FLI1: variants seen among roughly 807,000 people sequenced by gnomAD.
FLI1 encodes the protein Friend leukemia integration 1 transcription factor.
Under a neutral mutation model 53.1 loss-of-function variants are expected in FLI1, and 13 were observed. That is an observed-to-expected ratio of 0.24 (90% CI 0.16 to 0.39). The LOEUF is 0.39. Among genes scored for constraint, FLI1 ranks in the 10% least tolerant of loss-of-function variants. The pLI is 1.00. For missense variants in FLI1, 424 were observed against 600.5 expected, an observed-to-expected ratio of 0.71 and a Z score of 3.07; for synonymous variants, 244 against 236.7, an observed-to-expected ratio of 1.03 and a Z score of -0.28.
intron 1 of FLI1, among the ~76,000 whole-genome samples, chr11:128,697,006 C>T (rs989233302): frequency 3.3e-5 from 5 of 152,138 alleles, no homozygotes; most frequent in African/African-American, 7.2e-5. Flanking sequence ...TTTCCAAGAA[C>T]GGCTCCTGGA....
intron 3 of FLI1, among the ~76,000 whole-genome samples, chr11:128,769,161 C>T (rs1463407535): frequency 2.0e-5 from 3 of 152,160 alleles, no homozygotes; most frequent in African/African-American, 7.2e-5. Flanking sequence ...ATAAAATCAT[C>T]GTTCAGTCCT....
At chr11:128,730,997 ACAAGTG>A (rs1411774626) in intron 1 of FLI1, among the ~76,000 whole-genome samples, 2 of 152,362 alleles carry the variant, frequency 1.3e-5, no homozygotes, top group Admixed American at 1.3e-4. Flanking sequence ...AGTTAATTTT[ACAAGTG>A]CTTCGAGAGG....
At chr11:128,706,590 C>A (rs1938555904) in intron 1 of FLI1, among the ~76,000 whole-genome samples, 1 of 152,114 alleles carries the variant, frequency 6.6e-6, no homozygotes. Context: ...AGGCAAGAGC[C>A]CCTGGAAGCA....
chr11:128,786,581 C>T (rs562532143), intron 5 of FLI1, among the ~76,000 whole-genome samples: 41 of 152,284 alleles, frequency 2.7e-4, no homozygotes, highest in African/African-American at 9.6e-4. Context: ...GGAGCCAGGG[C>T]TACTGACTTT....
chr11:128,812,630 G>T lies in FLI1; in HGVS notation c.*1642G>T, dbSNP rs1000059353. 1 of 223,212 alleles carries T rather than the reference G, an allele frequency of 4.5e-6. No individual in the cohort carries two copies. The highest frequency in any genetic ancestry group is 1.8e-4 in the South Asian group (1 of 5,456). The allele number at this position is 223,212 out of a possible 1,614,324, so 13.8% of individuals were successfully genotyped here. On this transcript the variant is annotated 3_prime_UTR_variant, in exon 9 of 9. Coordinates refer to ENST00000527786, the MANE Select transcript of FLI1 (RefSeq NM_002017.5). ...ATTTAAATCTTCCTCCAGCCTAAAA[G>T]GGTTTTATAAAACAGCAGCTAAGGC...
rs149613033 is a variant in FLI1 at position 128,793,947 on chromosome 11, A to G, written c.656-11419A>G. 2.5e-3 allele frequency among the ~76,000 whole-genome samples: 373 copies of G among 152,178 alleles called. 3 individuals carry two copies. The highest frequency in any genetic ancestry group is 8.4e-3 in the African/African-American group (350 of 41,524). On this transcript the variant is annotated intron_variant, in intron 5 of 8. Transcript: ENST00000527786. ...CCCGCACTGCCAAGGAGGGGCTTTC[A>G]TGACCCTGAGTGCTTGGCAGGGTAG...
At chr11:128,729,893 C>T (rs1263254386) in intron 1 of FLI1, among the ~76,000 whole-genome samples, 5 of 152,154 alleles carry the variant, frequency 3.3e-5, no homozygotes, top group African/African-American at 1.2e-4. Flanking sequence ...AACTTTAATG[C>T]CTTTTCAGAA....
At chr11:128,760,949 C>G (rs1941094753) in intron 2 of FLI1, among the ~76,000 whole-genome samples, 1 of 152,328 alleles carries the variant, frequency 6.6e-6, no homozygotes, top group African/African-American at 2.4e-5. Context: ...GCTCTCCCCA[C>G]TTCCTCCTGC....
At chr11:128,788,196 A>C (rs1426330047) in intron 5 of FLI1, among the ~76,000 whole-genome samples, 1 of 151,980 alleles carries the variant, frequency 6.6e-6, no homozygotes, top group African/African-American at 2.4e-5. Flanking sequence ...GGGGCCGGGC[A>C]TGGTGGTTCA....
intron 1 of FLI1, among the ~76,000 whole-genome samples, chr11:128,750,299 T>C (rs1052372640): frequency 6.6e-6 from 1 of 152,086 alleles, no homozygotes; most frequent in African/African-American, 2.4e-5. Flanking sequence ...CCTTAGGAGA[T>C]TCAGGGCAGA....
intron 1 of FLI1, among the ~76,000 whole-genome samples, chr11:128,720,914 G>A (rs905638750): frequency 1.3e-5 from 2 of 152,154 alleles, no homozygotes; most frequent in African/African-American, 4.8e-5. Flanking sequence ...AGGGCTCTTT[G>A]TCTGGCGAGC....
At chr11:128,746,656 C>T (rs780199811) in intron 1 of FLI1, among the ~76,000 whole-genome samples, 5 of 152,190 alleles carry the variant, frequency 3.3e-5, no homozygotes, top group African/African-American at 4.8e-5. Context: ...ATCCTGGCTC[C>T]CAGGCTACTA....
chr11:128,785,224 AT>A (rs1308589813), intron 5 of FLI1, among the ~76,000 whole-genome samples: 2 of 152,192 alleles, frequency 1.3e-5, no homozygotes, highest in Non-Finnish European at 2.9e-5. Flanking sequence ...ACTTAAAAAA[AT>A]AAACTAGGAT....
intron 1 of FLI1, among the ~76,000 whole-genome samples, chr11:128,745,841 G>GC (rs974147096): frequency 2.0e-5 from 3 of 152,242 alleles, no homozygotes; most frequent in South Asian, 4.1e-4. Flanking sequence ...AGGGAGTGAA[G>GC]CCCCCCCATA....
At chr11:128,773,705 A>T (rs528572041) in intron 4 of FLI1, among the ~76,000 whole-genome samples, 1 of 151,248 alleles carries the variant, frequency 6.6e-6, no homozygotes, top group Non-Finnish European at 1.5e-5. Flanking sequence ...AGAGCAGAAG[A>T]ATGGAATTAT....
At chr11:128,723,812 T>C (rs1939355442) in intron 1 of FLI1, among the ~76,000 whole-genome samples, 1 of 151,904 alleles carries the variant, frequency 6.6e-6, no homozygotes, top group Non-Finnish European at 1.5e-5. Flanking sequence ...TAAAAACAAG[T>C]GCTTTCATGG....
In FLI1 at chr11:128,686,777, C is replaced by T. The variant is rs1444375617; in HGVS notation, c.-203+76C>T. On this transcript the variant is annotated intron_variant, in intron 1 of 6. Transcript: ENST00000344954. ...CACCCGGGCCTATGGTCCCTTTTCC[C>T]TTTCCCCGGGAAAAAGGGGTAGGGG... The T allele has an allele frequency of 1.4e-5, 4 of 282,554 alleles. No individual in the cohort carries two copies. In the East Asian group the frequency reaches 3.8e-4, roughly 27 times the overall value. 17.5% of individuals were successfully genotyped at this position (282,554 alleles called of 1,614,324 possible). A position where few individuals can be genotyped will look rare whatever the true frequency, so the allele number is the denominator to read the frequency against.
At chr11:128,804,295 C>T (rs538278690) in intron 5 of FLI1, 1 of 152,296 alleles carries the variant, frequency 6.6e-6, no homozygotes, top group South Asian at 2.1e-4. Context: ...GGTTTGTGCT[C>T]CATTTGTTCG....
intron 1 of FLI1, among the ~76,000 whole-genome samples, chr11:128,688,125 G>A (rs1334923340): frequency 1.3e-5 from 2 of 152,128 alleles, no homozygotes; most frequent in Non-Finnish European, 1.5e-5. Flanking sequence ...ATGGCCCCGG[G>A]GAGGGGAGCT....
Sources: gnomAD v4.1 joint callset for allele counts (sites outside exome capture counted in the v4.1 genomes callset) on GRCh38, gnomAD v4.1.1 for gene constraint, MANE v1.5 for transcripts, NCBI Gene and HGNC (gene_info 2026-07-23, HGNC 2026-07-21) for gene names.